Variants in CSMD1 observed in about 807,000 individuals in gnomAD.
The protein encoded by CSMD1 is CUB and sushi domain-containing protein 1.
In CSMD1, 213 loss-of-function variants were observed where a neutral mutation model predicts 417.5. That is an observed-to-expected ratio of 0.51 (90% CI 0.46 to 0.57). CSMD1 has a LOEUF of 0.57. Ranked by LOEUF, CSMD1 falls within the 20% of genes least tolerant of loss-of-function variation. The pLI is 0.00. For synonymous variants in CSMD1, 2,862 were observed against 1,736.8 expected, an observed-to-expected ratio of 1.65 and a Z score of -16.11; for missense variants, 6,923 against 4,529.7, an observed-to-expected ratio of 1.53 and a Z score of -15.17.
intron 30 of CSMD1, among the ~76,000 whole-genome samples, chr8:3,210,025 C>T (rs892548133): frequency 6.6e-6 from 1 of 152,062 alleles, no homozygotes; most frequent in South Asian, 2.1e-4. Flanking sequence ...AGACGAATAA[C>T]CAGGAAAAAC....
chr8:3,745,532 A>G (rs1797025553), intron 6 of CSMD1, among the ~76,000 whole-genome samples: 1 of 152,196 alleles, frequency 6.6e-6, no homozygotes, highest in South Asian at 2.1e-4. Flanking sequence ...TCTAATCATC[A>G]CAATTTTCAG....
chr8:3,707,722 G>A (rs1801252182), intron 7 of CSMD1, among the ~76,000 whole-genome samples: 1 of 152,190 alleles, frequency 6.6e-6, no homozygotes, highest in Non-Finnish European at 1.5e-5. Flanking sequence ...CACATAGGCT[G>A]TTGGCTTTCA....
At chr8:3,629,171 CA>C (rs1476363839) in intron 7 of CSMD1, among the ~76,000 whole-genome samples, 1 of 152,028 alleles carries the variant, frequency 6.6e-6, no homozygotes, top group Non-Finnish European at 1.5e-5. Context: ...TCGCAGGACG[CA>C]GGGGAACTTG....
chr8:4,452,764 A>G (rs542846019), intron 2 of CSMD1, among the ~76,000 whole-genome samples: 2 of 152,262 alleles, frequency 1.3e-5, no homozygotes, highest in Admixed American at 6.5e-5. Context: ...ATATCATCCA[A>G]TAACACAAAT....
intron 3 of CSMD1, among the ~76,000 whole-genome samples, chr8:4,137,166 T>G (rs984491114): frequency 2.6e-5 from 4 of 152,184 alleles, no homozygotes; most frequent in Non-Finnish European, 4.4e-5. Flanking sequence ...AGGTTATCCA[T>G]TTCCTCCTAC....
At chr8:4,970,046 CAAT>C (rs577260412) in intron 1 of CSMD1, among the ~76,000 whole-genome samples, 17 of 151,920 alleles carry the variant, frequency 1.1e-4, no homozygotes, top group Admixed American at 2.0e-4. Context: ...AATGAATGTC[CAAT>C]AATAGCACAC....
At chr8:4,106,837 T>A (rs1250237895) in intron 3 of CSMD1, among the ~76,000 whole-genome samples, 1 of 152,098 alleles carries the variant, frequency 6.6e-6, no homozygotes, top group Admixed American at 6.6e-5. Context: ...CTATCCGAAG[T>A]CAGAGAGAAA....
rs148760891 is a variant in CSMD1, at chr8:4,852,028, G to A, written c.85+142304C>T. Among the ~76,000 whole-genome samples the A allele has an allele frequency of 3.3e-5, 5 of 152,282 alleles. No individual in the cohort carries two copies. The South Asian group carries it at 6.2e-4, about 19-fold the overall frequency. On this transcript the variant is annotated intron_variant, in intron 1 of 69. Transcript: ENST00000635120. ...TTGATCTGTCACTAAGGTCTAACCTGTAATACCTCCTCAGCAGGGCTTAAT... is the reference window on the plus strand; with the variant it reads ...TTGATCTGTCACTAAGGTCTAACCTATAATACCTCCTCAGCAGGGCTTAAT...
intron 1 of CSMD1, among the ~76,000 whole-genome samples, chr8:4,916,044 T>G (rs910356107): frequency 6.6e-6 from 1 of 152,214 alleles, no homozygotes; most frequent in Non-Finnish European, 1.5e-5. Flanking sequence ...ACACTAGATT[T>G]GCCCTGGAAA....
At chr8:4,915,903 G>A (rs890914270) in intron 1 of CSMD1, among the ~76,000 whole-genome samples, 1 of 152,220 alleles carries the variant, frequency 6.6e-6, no homozygotes, top group Non-Finnish European at 1.5e-5. Flanking sequence ...CCAGGCAGGA[G>A]TGGCTCTTCA....
intron 26 of CSMD1, among the ~76,000 whole-genome samples, chr8:3,283,367 T>G (rs532586781): frequency 3.7e-4 from 56 of 152,232 alleles, no homozygotes; most frequent in African/African-American, 1.2e-3. Context: ...TCTACATTTA[T>G]GTAGAGACCC....
chr8:2,985,980 G>T lies in CSMD1; in HGVS notation c.8378-7180C>A, dbSNP rs183782802. Among the ~76,000 whole-genome samples, 5 of 144,002 alleles carry T rather than the reference G, an allele frequency of 3.5e-5. No homozygotes were observed. The South Asian group carries it at 1.1e-3, about 32-fold the overall frequency. 94.5% of individuals were successfully genotyped at this position (144,002 alleles called of 152,430 possible). A position where few individuals can be genotyped will look rare whatever the true frequency, so the allele number is the denominator to read the frequency against. The stretch of plus-strand genomic sequence containing the variant: ...AGGGGAAGGGGAAGGGGAAGGGAAA[G>T]GGGAAGGGAAAGGGGAAGCGGAAGG... On this transcript the variant is annotated intron_variant, in intron 54 of 69. Transcript: ENST00000635120.
chr8:3,527,940 C>A (rs1383526005), intron 10 of CSMD1, among the ~76,000 whole-genome samples: 1 of 152,148 alleles, frequency 6.6e-6, no homozygotes, highest in Non-Finnish European at 1.5e-5. Flanking sequence ...CTGTGCAGGT[C>A]AGTTTATCTG....
chr8:4,462,942 A>G (rs1445974370), intron 2 of CSMD1, among the ~76,000 whole-genome samples: 1 of 152,216 alleles, frequency 6.6e-6, no homozygotes, highest in Admixed American at 6.5e-5. Context: ...AAGCACAAGA[A>G]AAGAATTAAC....
At chr8:3,333,389 C>T (rs1428830680) in intron 23 of CSMD1, among the ~76,000 whole-genome samples, 4 of 140,238 alleles carry the variant, frequency 2.9e-5, no homozygotes. Flanking sequence ...CTTTAAAACA[C>T]TTTATAAAAT....
intron 5 of CSMD1, among the ~76,000 whole-genome samples, chr8:3,812,553 T>G (rs975092249): frequency 1.3e-5 from 2 of 152,190 alleles, no homozygotes; most frequent in Non-Finnish European, 2.9e-5. Context: ...GAAATTCAAC[T>G]ATCCTCGGAG....
chr8:3,650,713 G>A (rs1310573514), intron 7 of CSMD1, among the ~76,000 whole-genome samples: 2 of 152,166 alleles, frequency 1.3e-5, no homozygotes, highest in Non-Finnish European at 2.9e-5. Context: ...CAAAGAAAGG[G>A]CATCAACGAC....
chr8:3,184,973 T>A (rs141722269), intron 36 of CSMD1, among the ~76,000 whole-genome samples: 1 of 152,356 alleles, frequency 6.6e-6, no homozygotes, highest in Admixed American at 6.5e-5. Context: ...GTCACATCCC[T>A]GTTTTGTCCT....
chr8:4,069,118 G>A (rs1799411278), intron 3 of CSMD1, among the ~76,000 whole-genome samples: 2 of 152,060 alleles, frequency 1.3e-5, no homozygotes, highest in South Asian at 2.1e-4. Flanking sequence ...ATTTCCTGAA[G>A]GGAAATACTA....
Sources: gnomAD v4.1 joint callset for allele counts (sites outside exome capture counted in the v4.1 genomes callset) on GRCh38, gnomAD v4.1.1 for gene constraint, MANE v1.5 for transcripts, NCBI Gene and HGNC (gene_info 2026-07-23, HGNC 2026-07-21) for gene names.